The following CIMAP1D variants were observed in gnomAD, a reference collection of about 807,000 sequenced individuals.
CIMAP1D encodes protein CIMAP1D.
chr19:480,731 G>C, the CIMAP1D span, among the ~76,000 whole-genome samples: 1 of 150,020 alleles, frequency 6.7e-6, no homozygotes, highest in Admixed American at 6.7e-5. Flanking sequence ...AAGGATGATG[G>C]GAAGGATGAT....
the CIMAP1D span, chr19:467,514 C>G: frequency 5.6e-6 from 4 of 718,266 alleles, no homozygotes; most frequent in South Asian, 6.2e-5. Context: ...CCTCCGTGTC[C>G]CTTGGATTTG....
At chr19:463,512 C>T in the CIMAP1D span, 66 of 397,872 alleles carry the variant, frequency 1.7e-4, 1 homozygote, top group African/African-American at 1.1e-3. Flanking sequence ...AGCTGGACGC[C>T]GAGTTCTGGG....
the CIMAP1D span, chr19:463,414 A>C: frequency 4.4e-6 from 1 of 227,110 alleles, no homozygotes; most frequent in Non-Finnish European, 8.5e-6. Context: ...GGAGTGGGAA[A>C]GGCACAGGCC....
chr19:476,553 C>A, the CIMAP1D span, among the ~76,000 whole-genome samples: 1 of 152,214 alleles, frequency 6.6e-6, no homozygotes, highest in East Asian at 1.9e-4. Flanking sequence ...TACATTTCAC[C>A]CTGCAATGTA....
At chr19:467,823 C>A in the CIMAP1D span, 1 of 1,091,222 alleles carries the variant, frequency 9.2e-7, no homozygotes. Flanking sequence ...CCCCACCGCC[C>A]GGCCTCAGTG....
At chr19:465,547 A>G in the CIMAP1D span, among the ~76,000 whole-genome samples, 3 of 132,224 alleles carry the variant, frequency 2.3e-5, no homozygotes, top group East Asian at 7.8e-4. Context: ...AGGTGGGTGG[A>G]TGGATAGATG....
chr19:487,935 G>A, the CIMAP1D span, among the ~76,000 whole-genome samples: 4 of 152,178 alleles, frequency 2.6e-5, no homozygotes, highest in Non-Finnish European at 5.9e-5. Context: ...TCCAGACATT[G>A]TATGGAAAAG....
At chr19:484,805 G>A in the CIMAP1D span, among the ~76,000 whole-genome samples, 41 of 152,304 alleles carry the variant, frequency 2.7e-4, 1 homozygote, top group Admixed American at 2.4e-3. Flanking sequence ...AGGGCCCTGA[G>A]GACACGGAGA....
chr19:475,075 G>T, the CIMAP1D span: 6 of 265,388 alleles, frequency 2.3e-5, no homozygotes, highest in African/African-American at 8.8e-5. Flanking sequence ...CTGGGGCCAG[G>T]GCCGGCCCCA....
the CIMAP1D span, among the ~76,000 whole-genome samples, chr19:470,243 C>G: frequency 4.2e-4 from 62 of 145,890 alleles, no homozygotes; most frequent in East Asian, 0.012. Flanking sequence ...GTCTCGCTCT[C>G]TCACCCAGGC....
At chr19:478,588 G>T in the CIMAP1D span, among the ~76,000 whole-genome samples, 1 of 152,254 alleles carries the variant, frequency 6.6e-6, no homozygotes, top group Non-Finnish European at 1.5e-5. Context: ...CTCAGAGCTT[G>T]TCGCAACTGC....
At chr19:472,473 C>G in the CIMAP1D span, 1 of 1,545,988 alleles carries the variant, frequency 6.5e-7, no homozygotes, top group Admixed American at 2.0e-5. Flanking sequence ...CCACGGTGGA[C>G]GGCAGGACAT....
chr19:483,630 G>A, the CIMAP1D span, among the ~76,000 whole-genome samples: 13 of 152,212 alleles, frequency 8.5e-5, no homozygotes, highest in African/African-American at 1.7e-4. Flanking sequence ...GGGTGAGTGG[G>A]GGCAGGGATG....
the CIMAP1D span, chr19:464,336 G>C: frequency 1.2e-5 from 18 of 1,542,078 alleles, no homozygotes; most frequent in South Asian, 1.9e-4. Flanking sequence ...CTGGGCTGTA[G>C]GCCCCAGGGC....
the CIMAP1D span, chr19:463,453 C>A: frequency 3.6e-6 from 1 of 276,226 alleles, no homozygotes. Context: ...TGAGTTTGGG[C>A]TGGGACCGGG....
chr19:488,171 T>C, the CIMAP1D span, among the ~76,000 whole-genome samples: 3 of 151,890 alleles, frequency 2.0e-5, no homozygotes, highest in African/African-American at 7.3e-5. Flanking sequence ...CTTCTCTAAC[T>C]GGGTGTCTGA....
At chr19:477,531 G>C in the CIMAP1D span, among the ~76,000 whole-genome samples, 1 of 151,532 alleles carries the variant, frequency 6.6e-6, no homozygotes, top group African/African-American at 2.4e-5. Flanking sequence ...TTGCACCACT[G>C]AGCCAGGATC....
At chr19:482,804 A>T in the CIMAP1D span, among the ~76,000 whole-genome samples, 3 of 152,124 alleles carry the variant, frequency 2.0e-5, no homozygotes, top group Non-Finnish European at 2.9e-5. Flanking sequence ...TACACCTGCC[A>T]GTCTGAATGT....
the CIMAP1D span, among the ~76,000 whole-genome samples, chr19:482,853 C>T: frequency 6.6e-6 from 1 of 152,178 alleles, no homozygotes; most frequent in Admixed American, 6.5e-5. Context: ...ACCCCAGCCC[C>T]GCCCCTCGAC....
Sources: gnomAD v4.1 joint callset for allele counts (sites outside exome capture counted in the v4.1 genomes callset) on GRCh38, gnomAD v4.1.1 for gene constraint, MANE v1.5 for transcripts, NCBI Gene and HGNC (gene_info 2026-07-23, HGNC 2026-07-21) for gene names.